The following ATRNL1 variants were observed in gnomAD, a reference collection of about 807,000 sequenced individuals.
ATRNL1 encodes the protein attractin-like protein 1.
ATRNL1 carries 95 observed loss-of-function variants against 182.7 expected under a neutral mutation model. The observed-to-expected ratio is 0.52, with a 90% confidence interval of 0.44 to 0.62. The LOEUF (loss-of-function observed/expected upper bound fraction) is 0.62. ATRNL1 is among the 20% of genes least tolerant of loss of function. The pLI is 0.00. For synonymous variants in ATRNL1, 576 were observed against 568.3 expected (o/e 1.01, Z -0.19); for missense variants, 1,471 against 1,679.5 (o/e 0.88, Z 2.17).
intron 21 of ATRNL1, among the ~76,000 whole-genome samples, chr10:115,449,506 A>G (rs1275973946): frequency 1.3e-5 from 2 of 152,196 alleles, no homozygotes; most frequent in South Asian, 2.1e-4. Flanking sequence ...AGCCATGGGT[A>G]TGGACACTTG....
intron 20 of ATRNL1, among the ~76,000 whole-genome samples, chr10:115,419,224 T>C (rs1255169469): frequency 3.9e-5 from 6 of 152,194 alleles, no homozygotes; most frequent in Non-Finnish European, 5.9e-5. Flanking sequence ...AAATAACTTA[T>C]TATGACTATA....
chr10:115,219,941 T>C (rs1208303789), intron 9 of ATRNL1, among the ~76,000 whole-genome samples: 3 of 151,840 alleles, frequency 2.0e-5, no homozygotes, highest in Non-Finnish European at 4.4e-5. Context: ...AATGTGCACA[T>C]AACATATCCT....
At chr10:115,747,866 C>T (rs576837089) in intron 27 of ATRNL1, among the ~76,000 whole-genome samples, 3 of 152,136 alleles carry the variant, frequency 2.0e-5, no homozygotes, top group Admixed American at 2.0e-4. Context: ...ATAAATAGTG[C>T]CTTCTTGCTG....
At chr10:115,874,510 T>C (rs1234538218) in intron 28 of ATRNL1, among the ~76,000 whole-genome samples, 1 of 152,216 alleles carries the variant, frequency 6.6e-6, no homozygotes, top group Non-Finnish European at 1.5e-5. Flanking sequence ...ATGTTAATTA[T>C]ACACAAACTG....
chr10:115,865,026 A>G (rs1339100639), intron 28 of ATRNL1, among the ~76,000 whole-genome samples: 1 of 152,002 alleles, frequency 6.6e-6, no homozygotes, highest in African/African-American at 2.4e-5. Context: ...AAATTGAGGG[A>G]CAGTTTACAA....
At chr10:115,435,047 T>TG (rs1490731971) in intron 21 of ATRNL1, among the ~76,000 whole-genome samples, 3 of 150,930 alleles carry the variant, frequency 2.0e-5, no homozygotes, top group Non-Finnish European at 4.4e-5. Flanking sequence ...TTTTTTTTTT[T>TG]TGTGACGGAG....
At chr10:115,277,047 A>T (rs1274402123) in intron 13 of ATRNL1, among the ~76,000 whole-genome samples, 1 of 151,994 alleles carries the variant, frequency 6.6e-6, no homozygotes, top group Non-Finnish European at 1.5e-5. Flanking sequence ...TATTTATCTG[A>T]TACTTCAGGT....
rs578031235 is a variant in ATRNL1 at position 115,836,541 on chromosome 10, C to T, written c.3904-11336C>T. 5.3e-5 allele frequency among the ~76,000 whole-genome samples: 8 copies of T among 152,274 alleles called. No individual in the cohort carries two copies. In the East Asian group the frequency reaches 9.7e-4, roughly 18 times the overall value. The stretch of plus-strand genomic sequence containing the variant: ...TCCGTGCACCTCCCCTCGCTTCTGG[C>T]GTTGCCTGCAAACCTTGGTGCTCCT... On this transcript the variant is annotated intron_variant, in intron 27 of 28. Transcript: ENST00000355044.
In ATRNL1 at chr10:115,732,950, A is replaced by G. The variant is rs144292216; in HGVS notation, c.3903+5595A>G. Reference sequence around the variant, plus strand: ...CTGTCTTAGTATATCAGAGAATTCCAGCAGTTATCCATTGTAATCTAAATT... The same window carrying G: ...CTGTCTTAGTATATCAGAGAATTCCGGCAGTTATCCATTGTAATCTAAATT... On this transcript the variant is annotated intron_variant, in intron 27 of 28. Coordinates refer to ENST00000355044, the MANE Select transcript of ATRNL1 (RefSeq NM_207303.4). Among the ~76,000 whole-genome samples, 157 of 152,314 alleles carry G rather than the reference A, an allele frequency of 1.0e-3. 1 individual carries two copies. The East Asian group carries it at 0.021, about 20-fold the overall frequency.
At chr10:115,801,173 G>A (rs2907578) in intron 27 of ATRNL1, among the ~76,000 whole-genome samples, 117,862 of 152,082 alleles carry the variant, frequency 0.77, 45,790 homozygotes, top group African/African-American at 0.83. Context: ...TGTATTTTCC[G>A]TTCATTAGTG....
At chr10:115,565,177 C>T (rs1572397) in intron 26 of ATRNL1, among the ~76,000 whole-genome samples, 44,918 of 151,710 alleles carry the variant, frequency 0.3, 7,791 homozygotes, top group East Asian at 0.68. Flanking sequence ...TCAAAAACTA[C>T]ATGGCTCTAA....
At chr10:115,691,320 C>T (rs940704186) in intron 26 of ATRNL1, among the ~76,000 whole-genome samples, 2 of 152,146 alleles carry the variant, frequency 1.3e-5, no homozygotes, top group Non-Finnish European at 2.9e-5. Flanking sequence ...AGCATCCTAA[C>T]AAGTGTGAGG....
At chr10:115,097,272 C>G (rs1554863377) in intron 1 of ATRNL1, among the ~76,000 whole-genome samples, 2 of 151,730 alleles carry the variant, frequency 1.3e-5, no homozygotes, top group Non-Finnish European at 2.9e-5. Context: ...TCCCTTGAGC[C>G]CAGAAGTTTG....
intron 19 of ATRNL1, among the ~76,000 whole-genome samples, chr10:115,387,921 GTCA>G (rs1351266486): frequency 1.3e-5 from 2 of 151,834 alleles, no homozygotes; most frequent in East Asian, 1.9e-4. Flanking sequence ...ATATAGTATC[GTCA>G]TCATCACTTT....
At chr10:115,591,097 G>T (rs193035825) in intron 26 of ATRNL1, among the ~76,000 whole-genome samples, 1 of 152,128 alleles carries the variant, frequency 6.6e-6, no homozygotes, top group Non-Finnish European at 1.5e-5. Context: ...AGATATGCAT[G>T]TATACGTGTA....
intron 10 of ATRNL1, among the ~76,000 whole-genome samples, chr10:115,256,184 A>G (rs914636894): frequency 2.4e-4 from 36 of 152,030 alleles, no homozygotes; most frequent in Admixed American, 2.0e-3. Context: ...CTCTTTTTCT[A>G]TTGATTGGGA....
intron 25 of ATRNL1, among the ~76,000 whole-genome samples, chr10:115,533,301 A>G (rs1378480610): frequency 6.6e-6 from 1 of 152,184 alleles, no homozygotes; most frequent in Non-Finnish European, 1.5e-5. Context: ...GTCTATTCAG[A>G]GATTCAACTT....
chr10:115,290,192 AC>A (rs1852826965), intron 15 of ATRNL1, among the ~76,000 whole-genome samples: 1 of 151,744 alleles, frequency 6.6e-6, no homozygotes, highest in Non-Finnish European at 1.5e-5. Context: ...TAGAAGTGCT[AC>A]CGACTTTTGT....
chr10:115,381,329 C>G (rs1857985597), intron 19 of ATRNL1, among the ~76,000 whole-genome samples: 1 of 151,516 alleles, frequency 6.6e-6, no homozygotes, highest in Admixed American at 6.6e-5. Context: ...TGCAGTGGCA[C>G]AATCTCGACT....
Sources: gnomAD v4.1 joint callset for allele counts (sites outside exome capture counted in the v4.1 genomes callset) on GRCh38, gnomAD v4.1.1 for gene constraint, MANE v1.5 for transcripts, NCBI Gene and HGNC (gene_info 2026-07-23, HGNC 2026-07-21) for gene names.